Variants in ZNF527 observed in about 807,000 individuals in gnomAD.
ZNF527 encodes zinc finger protein 527.
A neutral mutation model predicts 13.5 loss-of-function variants in ZNF527; 5 were observed. That is an observed-to-expected ratio of 0.37 (90% CI 0.19 to 0.78). ZNF527 has a LOEUF of 0.78. Ranked by LOEUF, ZNF527 falls within the 30% of genes least tolerant of loss-of-function variation. The probability of loss-of-function intolerance (pLI) is 0.48; values close to 1 mark genes in which losing one functional copy is unlikely to be tolerated. For synonymous variants in ZNF527, 209 were observed against 243.1 expected, an observed-to-expected ratio of 0.86 and a Z score of 1.30; for missense variants, 628 against 726.4, an observed-to-expected ratio of 0.86 and a Z score of 1.56.
In ZNF527 at chr19:37,388,701, T is replaced by G; in HGVS notation, c.652T>G (p.Ser218Ala). ...EYKRLHAEKE[S>A]LIGNECEEFN... ...TAAAAGACTCCATGCTGAGAAGGAATCTTTGATAGGTAATGAATGTGAAGA... is the reference window on the plus strand; with the variant it reads ...TAAAAGACTCCATGCTGAGAAGGAAGCTTTGATAGGTAATGAATGTGAAGA... The change falls in exon 5 of 5, where the codon TCT (serine) becomes GCT (alanine). Residue 218 changes from serine (S) to alanine (A), a missense_variant. Transcript: ENST00000436120. The G allele has an allele frequency of 6.2e-7, 1 of 1,611,460 alleles. No homozygotes were observed. The highest frequency in any genetic ancestry group is 8.5e-7 in the Non-Finnish European group (1 of 1,179,332).
chr19:37,388,828 T>A lies in ZNF527; in HGVS notation c.779T>A (p.Leu260Ter), dbSNP rs751178562. The A allele has an allele frequency of 6.2e-7, 1 of 1,613,706 alleles. No homozygotes were observed. Among genetic ancestry groups the A allele is most frequent in the Middle Eastern group, 1.6e-4 (1 of 6,080 alleles). Reference sequence around the variant, plus strand: ...TCAAAGCTCTTAAGTTTCCACTCATTATTTACTCAACATCAGACCACTCAT... The same window carrying A: ...TCAAAGCTCTTAAGTTTCCACTCATAATTTACTCAACATCAGACCACTCAT... ...DFSKLLSFHS[L>*]FTQHQTTHFG... Residue 260 changes from leucine to a stop codon, truncating the protein, a stop_gained, in exon 5 of 5, where the codon TTA becomes TAA. Transcript: ENST00000436120. LOFTEE classifies it low-confidence loss of function (END_TRUNC).
chr19:37,381,250 C>G (rs1398893480), intron 4 of ZNF527, among the ~76,000 whole-genome samples: 1 of 152,062 alleles, frequency 6.6e-6, no homozygotes, highest in Non-Finnish European at 1.5e-5. Flanking sequence ...ATACATAACC[C>G]TAATCCAGTT....
At chr19:37,388,186 T>C in intron 4 of ZNF527, 120 bp from the exon 5 acceptor site, 1 of 1,139,272 alleles carries the variant, frequency 8.8e-7, no homozygotes, top group Non-Finnish European at 1.2e-6. Context: ...TGGGAGCTAT[T>C]AGAACCACAG....
chr19:37,383,231 T>G (rs1051714804), intron 4 of ZNF527, among the ~76,000 whole-genome samples: 1 of 141,900 alleles, frequency 7.0e-6, no homozygotes, highest in African/African-American at 2.9e-5. Flanking sequence ...ATGCGTTTCC[T>G]TGATTTTTTA....
intron 1 of ZNF527, among the ~76,000 whole-genome samples, chr19:37,373,596 G>A (rs1043684864): frequency 6.6e-6 from 1 of 152,064 alleles, no homozygotes; most frequent in Non-Finnish European, 1.5e-5. Context: ...CATGTCCAGT[G>A]GTGATAAATG....
At position 37,389,630 on chromosome 19, in the gene ZNF527, A is replaced by T; in HGVS notation, c.1581A>T (p.Glu527Asp). The T allele has an allele frequency of 6.2e-7, 1 of 1,614,160 alleles. No homozygotes were observed. The highest frequency in any genetic ancestry group is 8.5e-7 in the Non-Finnish European group (1 of 1,180,032). Residue 527 changes from glutamate to aspartate, a missense_variant, in exon 5 of 5, where the codon GAA (glutamate) becomes GAT (aspartate). Glu to Asp is a conservative substitution (Grantham distance 45). Coordinates refer to ENST00000436120, the MANE Select transcript of ZNF527 (RefSeq NM_032453.2). ...KRSHAGEKPYECNKCGKAFSC... is the reference protein window; with the variant it reads ...KRSHAGEKPYDCNKCGKAFSC... ...GTCATGCAGGAGAGAAACCCTATGA[A>T]TGTAACAAATGTGGAAAGGCCTTCA...
At chr19:37,372,457 C>A (rs1283596308) in intron 1 of ZNF527, among the ~76,000 whole-genome samples, 3 of 112,262 alleles carry the variant, frequency 2.7e-5, no homozygotes, top group Admixed American at 8.9e-5. Flanking sequence ...CTTTTCTTTT[C>A]TTTTCTTTTC....
Position 37,390,905 on chromosome 19 carries a change from A to G in ZNF527, c.*1026A>G, listed in dbSNP as rs2040747013. The G allele has an allele frequency of 6.6e-6, 1 of 152,220 alleles. No individual in the cohort carries two copies. Among genetic ancestry groups the G allele is most frequent in the African/African-American group, 2.4e-5 (1 of 41,452 alleles). The allele number at this position is 152,220 out of a possible 1,614,324, so 9.4% of individuals were successfully genotyped here. A position where few individuals can be genotyped will look rare whatever the true frequency, so the allele number is the denominator to read the frequency against. ...CTGAGGAGCAACCTTCTGATATAAC[A>G]AGTTTATGAAAGTTGAATACACAGC... On this transcript the variant is annotated 3_prime_UTR_variant, in exon 5 of 5. Coordinates refer to ENST00000436120, the MANE Select transcript of ZNF527 (RefSeq NM_032453.2).
intron 1 of ZNF527, among the ~76,000 whole-genome samples, chr19:37,373,855 G>A (rs2040578310): frequency 6.6e-6 from 1 of 152,182 alleles, no homozygotes; most frequent in African/African-American, 2.4e-5. Context: ...TGGCGAGTAA[G>A]GGGCGGAAGG....
At position 37,388,881 on chromosome 19, in the gene ZNF527, G is replaced by T; in HGVS notation, c.832G>T (p.Glu278Ter). 1 of 1,614,180 alleles carries T rather than the reference G, an allele frequency of 6.2e-7. No homozygotes were observed. The highest frequency in any genetic ancestry group is 2.2e-5 in the East Asian group (1 of 44,884). Reference sequence around the variant, plus strand: ...TGGAAAATTACCCCATGGATACGATGAATGTGGTGATGCCTTTAGCTGTTA... The same window carrying T: ...TGGAAAATTACCCCATGGATACGATTAATGTGGTGATGCCTTTAGCTGTTA... ...HFGKLPHGYDECGDAFSCYSF... is the reference protein window; with the variant it reads ...HFGKLPHGYD Residue 278 changes from glutamate to a stop codon, truncating the protein, a stop_gained, in exon 5 of 5, where the codon GAA (glutamate) becomes TAA (stop). Coordinates refer to ENST00000436120, the MANE Select transcript of ZNF527 (RefSeq NM_032453.2). LOFTEE classifies it low-confidence loss of function (END_TRUNC).
chr19:37,388,214 C>T, intron 4 of ZNF527, 92 bp from the exon 5 acceptor site: 1 of 1,442,116 alleles, frequency 6.9e-7, no homozygotes, highest in South Asian at 1.4e-5. Flanking sequence ...ACCCTCCTTC[C>T]CCCCAGTTAA....
At position 37,386,129 on chromosome 19, in the gene ZNF527, CT is replaced by C. The variant is rs1405338763; in HGVS notation, c.257-2176del. 8.1e-3 allele frequency among the ~76,000 whole-genome samples: 817 copies of C among 101,282 alleles called. 7 individuals are homozygous for C. The highest frequency in any genetic ancestry group is 0.041 in the East Asian group (145 of 3,566). 66.4% of individuals were successfully genotyped at this position (101,282 alleles called of 152,430 possible). A position where few individuals can be genotyped will look rare whatever the true frequency, so the allele number is the denominator to read the frequency against. The stretch of plus-strand genomic sequence containing the variant: ...GTTCTGTGTAGTAGAACTTTCTTTT[CT>C]CTTCTTTTCCTTTTTTTTTTTTTTT... On this transcript the variant is annotated intron_variant, in intron 4 of 4. Coordinates refer to ENST00000436120, the MANE Select transcript of ZNF527 (RefSeq NM_032453.2).
intron 3 of ZNF527, chr19:37,380,028 C>A: frequency 2.1e-6 from 1 of 466,342 alleles, no homozygotes; most frequent in Non-Finnish European, 3.4e-6. Flanking sequence ...TGAGAATGTG[C>A]ATTTCTAATT....
At chr19:37,385,477 G>A (rs1407585296) in intron 4 of ZNF527, 2 of 397,128 alleles carry the variant, frequency 5.0e-6, no homozygotes, top group Non-Finnish European at 8.9e-6. Flanking sequence ...CAGAGATTTT[G>A]GTGGAAGAAA....
At position 37,391,760 on chromosome 19, in the gene ZNF527, CA is replaced by C. The variant is rs1292305752; in HGVS notation, c.*1882del. 2 of 151,958 alleles carry C rather than the reference CA, an allele frequency of 1.3e-5. No individual in the cohort carries two copies. Among genetic ancestry groups the C allele is most frequent in the Non-Finnish European group, 2.9e-5 (2 of 67,996 alleles). 9.4% of individuals were successfully genotyped at this position (151,958 alleles called of 1,614,324 possible). On this transcript the variant is annotated 3_prime_UTR_variant, in exon 5 of 5. Transcript: ENST00000436120. ...AAATTTTTAGAGACTAAATCATTTC[CA>C]TTATTGGGAGTAATGAGGAAGATGA...
intron 4 of ZNF527, among the ~76,000 whole-genome samples, chr19:37,381,776 CTCTTT>C (rs1435344920): frequency 6.6e-6 from 1 of 151,916 alleles, no homozygotes; most frequent in Non-Finnish European, 1.5e-5. Context: ...TTCCATTTCC[CTCTTT>C]TCTTTGTGTA....
chr19:37,373,450 A>AT (rs1275372418), intron 1 of ZNF527, among the ~76,000 whole-genome samples: 1 of 152,184 alleles, frequency 6.6e-6, no homozygotes, highest in Non-Finnish European at 1.5e-5. Flanking sequence ...CATTTATCTA[A>AT]TTTTTTGAGA....
chr19:37,379,079 G>C, intron 2 of ZNF527, 41 bp from the exon 3 acceptor site: 1 of 1,613,518 alleles, frequency 6.2e-7, no homozygotes, highest in South Asian at 1.1e-5. Flanking sequence ...GGACCATATA[G>C]GTGTCTGGGC....
In ZNF527 at chr19:37,390,837, A is replaced by G. The variant is rs867866631; in HGVS notation, c.*958A>G. The G allele has an allele frequency of 2.0e-5, 3 of 152,210 alleles. No homozygotes were observed. The highest frequency in any genetic ancestry group is 2.9e-5 in the Non-Finnish European group (2 of 68,028). 9.4% of individuals were successfully genotyped at this position (152,210 alleles called of 1,614,324 possible). On this transcript the variant is annotated 3_prime_UTR_variant, in exon 5 of 5. Transcript: ENST00000436120. Reference sequence around the variant, plus strand: ...TTCACACATTCTATGTTTGCTATACATAAAAGAAAGCCTTAATTTTTTACG... The same window carrying G: ...TTCACACATTCTATGTTTGCTATACGTAAAAGAAAGCCTTAATTTTTTACG...
Sources: allele counts gnomAD v4.1 joint callset (sites outside exome capture counted in the v4.1 genomes callset), GRCh38; gene constraint gnomAD v4.1.1; transcripts MANE v1.5; gene names NCBI Gene and HGNC (gene_info 2026-07-23, HGNC 2026-07-21).